ACOT13: variants seen among roughly 807,000 people sequenced by gnomAD.
The protein encoded by ACOT13 is acyl-CoA thioesterase 13.
Under a neutral mutation model 11.8 loss-of-function variants are expected in ACOT13, and 10 were observed. The ratio of observed to expected loss-of-function variants is 0.85; its 90% confidence interval spans 0.53 to 1.44. The LOEUF is 1.44. ACOT13 is among the 40% of genes most tolerant of loss of function. The pLI is 0.00. For missense variants in ACOT13, 172 were observed against 174.1 expected (o/e 0.99, Z 0.07); for synonymous variants, 53 against 61.0 (o/e 0.87, Z 0.61).
intron 1 of ACOT13, among the ~76,000 whole-genome samples, chr6:24,676,462 C>T (rs2127622509): frequency 6.6e-6 from 1 of 152,042 alleles, no homozygotes; most frequent in South Asian, 2.1e-4. Context: ...AGTTGGATTC[C>T]TAGGTATTTT....
At chr6:24,680,021 C>T (rs1481417477) in intron 1 of ACOT13, among the ~76,000 whole-genome samples, 4 of 152,078 alleles carry the variant, frequency 2.6e-5, no homozygotes, top group Admixed American at 2.6e-4. Flanking sequence ...TGTCTATCTT[C>T]TTTGGACCTT....
At position 24,677,264 on chromosome 6, in the gene ACOT13, G is replaced by A. The variant is rs139490627; in HGVS notation, c.81+9920G>A. Among the ~76,000 whole-genome samples, 1,311 of 152,332 alleles carry A rather than the reference G, an allele frequency of 8.6e-3. 26 individuals are homozygous for A. The highest frequency in any genetic ancestry group is 0.03 in the African/African-American group (1,243 of 41,574). On this transcript the variant is annotated intron_variant, in intron 1 of 2. Transcript: ENST00000230048. Reference sequence around the variant, plus strand: ...TTTCTTCATTGTCTGGAAGAAATGTGGCTGTGTTAAGAGTTGCACAAGTGC... The same window carrying A: ...TTTCTTCATTGTCTGGAAGAAATGTAGCTGTGTTAAGAGTTGCACAAGTGC...
At chr6:24,680,890 G>T (rs555890088) in intron 1 of ACOT13, among the ~76,000 whole-genome samples, 1 of 152,192 alleles carries the variant, frequency 6.6e-6, no homozygotes, top group African/African-American at 2.4e-5. Context: ...CGTTTGAGGA[G>T]ACCAATTATT....
In ACOT13 at chr6:24,704,678, G is replaced by A. The variant is rs1778964082; in HGVS notation, c.*3063G>A. 1 of 152,324 alleles carries A rather than the reference G, an allele frequency of 6.6e-6. No individual in the cohort carries two copies. The highest frequency in any genetic ancestry group is 2.1e-4 in the South Asian group (1 of 4,828). 9.4% of individuals were successfully genotyped at this position (152,324 alleles called of 1,614,324 possible). ...CCCTTTCCCATGAAGCAAGGCATAA[G>A]GCCAGGTTGCTAACTGTTGAAAGCT... On this transcript the variant is annotated 3_prime_UTR_variant, in exon 3 of 3. Coordinates refer to ENST00000230048, the MANE Select transcript of ACOT13 (RefSeq NM_018473.4).
intron 1 of ACOT13, among the ~76,000 whole-genome samples, chr6:24,678,755 T>TA (rs894241702): frequency 4.0e-5 from 6 of 151,816 alleles, no homozygotes; most frequent in Non-Finnish European, 5.9e-5. Context: ...GTGAAAAGAG[T>TA]AAAGTTCCCC....
chr6:24,680,071 C>CG (rs933698652), intron 1 of ACOT13, among the ~76,000 whole-genome samples: 9 of 151,940 alleles, frequency 5.9e-5, no homozygotes, highest in Non-Finnish European at 1.0e-4. Flanking sequence ...CAGAAGGAGT[C>CG]GGGGGGATGC....
intron 1 of ACOT13, among the ~76,000 whole-genome samples, chr6:24,689,372 G>A (rs1332708832): frequency 2.6e-5 from 4 of 151,442 alleles, no homozygotes; most frequent in African/African-American, 4.9e-5. Flanking sequence ...TGGAGGCTGC[G>A]CATGGTGGCG....
intron 1 of ACOT13, among the ~76,000 whole-genome samples, chr6:24,689,483 G>A (rs1305737583): frequency 6.6e-6 from 1 of 152,098 alleles, no homozygotes; most frequent in African/African-American, 2.4e-5. Flanking sequence ...AATAAATTGA[G>A]CTAGAGAAAT....
rs1055344005 is a variant in ACOT13 at position 24,702,423 on chromosome 6, T to C, written c.*808T>C. On this transcript the variant is annotated 3_prime_UTR_variant, in exon 3 of 3. Coordinates refer to ENST00000230048, the MANE Select transcript of ACOT13 (RefSeq NM_018473.4). ...AATGTGCCCAGCCTGGGTTCTCTTT[T>C]GTAAGGGCACTTACTCCAATCTTGA... 2.0e-5 allele frequency: 3 copies of C among 152,234 alleles called. No homozygotes were observed. The highest frequency in any genetic ancestry group is 7.2e-5 in the African/African-American group (3 of 41,458). 9.4% of individuals were successfully genotyped at this position (152,234 alleles called of 1,614,324 possible).
intron 1 of ACOT13, among the ~76,000 whole-genome samples, chr6:24,680,416 T>C (rs1429175682): frequency 5.9e-5 from 9 of 152,000 alleles, no homozygotes; most frequent in Non-Finnish European, 1.3e-4. Context: ...GTGGGGAACG[T>C]TTCCGATCTG....
Position 24,698,383 on chromosome 6 carries a change from A to G in ACOT13, c.266+316A>G, listed in dbSNP as rs192064852. Among the ~76,000 whole-genome samples, 103 of 152,332 alleles carry G rather than the reference A, an allele frequency of 6.8e-4. 1 individual carries two copies. Among genetic ancestry groups the G allele is most frequent in the African/African-American group, 2.1e-3 (89 of 41,582 alleles). The stretch of plus-strand genomic sequence containing the variant: ...CTGATGGCTCATAACTGTTTCATAC[A>G]GTCCTTAAAAGTGCCATTCAGGGCC... On this transcript the variant is annotated intron_variant, in intron 2 of 2. Transcript: ENST00000230048.
chr6:24,688,896 T>C (rs1329008824), intron 1 of ACOT13, among the ~76,000 whole-genome samples: 3 of 152,132 alleles, frequency 2.0e-5, no homozygotes, highest in African/African-American at 4.8e-5. Context: ...TAAAAAGAAC[T>C]GTAGAGACAG....
chr6:24,698,897 A>G (rs1476793253), intron 2 of ACOT13, among the ~76,000 whole-genome samples: 1 of 152,042 alleles, frequency 6.6e-6, no homozygotes, highest in Non-Finnish European at 1.5e-5. Flanking sequence ...TCAGCCTCCC[A>G]AAGTGTTGAG....
chr6:24,683,090 C>T (rs1390366730), intron 1 of ACOT13, among the ~76,000 whole-genome samples: 1 of 152,180 alleles, frequency 6.6e-6, no homozygotes, highest in African/African-American at 2.4e-5. Context: ...TCCAGCTAGT[C>T]CTGTCTGTCA....
intron 1 of ACOT13, among the ~76,000 whole-genome samples, chr6:24,694,228 G>C (rs1390513731): frequency 6.6e-6 from 1 of 152,086 alleles, no homozygotes; most frequent in Non-Finnish European, 1.5e-5. Flanking sequence ...AACACATCTG[G>C]ACAGTTCTCT....
chr6:24,696,949 T>C (rs1778804205), intron 1 of ACOT13, among the ~76,000 whole-genome samples: 1 of 152,168 alleles, frequency 6.6e-6, no homozygotes, highest in Admixed American at 6.5e-5. Flanking sequence ...CTAATTTTTG[T>C]ATTTTTAGTA....
rs999524164 is a variant in ACOT13 at position 24,667,292 on chromosome 6, A to G, written c.29A>G (p.Glu10Gly). The change falls in exon 1 of 3, where the codon GAG becomes GGG. Residue 10 changes from glutamate to glycine, a missense_variant. Physicochemically the swap from Glu to Gly is moderately conservative, Grantham distance 98. Transcript: ENST00000230048. Reference protein sequence around the residue: MTSMTQSLREVIKAMTKARN... With the variant: MTSMTQSLRGVIKAMTKARN... ...ACCAGCATGACTCAGTCTCTGCGGG[A>G]GGTGATAAAGGCCATGACCAAGGCT... 1.9e-6 allele frequency: 3 copies of G among 1,614,026 alleles called. No homozygotes were observed. The highest frequency in any genetic ancestry group is 8.5e-7 in the Non-Finnish European group (1 of 1,180,022).
intron 1 of ACOT13, among the ~76,000 whole-genome samples, chr6:24,669,999 G>T (rs982934611): frequency 5.3e-5 from 8 of 152,192 alleles, no homozygotes; most frequent in Middle Eastern, 3.4e-3. Flanking sequence ...TTGGAGACTT[G>T]TAGCCAGGAA....
Position 24,690,083 on chromosome 6 carries a change from T to C in ACOT13, c.82-7800T>C, listed in dbSNP as rs544453058. 1.4e-4 allele frequency among the ~76,000 whole-genome samples: 22 copies of C among 152,340 alleles called. No individual in the cohort carries two copies. The South Asian group carries it at 1.5e-3, about 10-fold the overall frequency. On this transcript the variant is annotated intron_variant, in intron 1 of 2. Coordinates refer to ENST00000230048, the MANE Select transcript of ACOT13 (RefSeq NM_018473.4). The stretch of plus-strand genomic sequence containing the variant: ...GGCCATCCTAGGAGTTCCAGGACTT[T>C]GTAGCATACAAAGTGAACAGAGATG...
Sources: gnomAD v4.1 joint callset for allele counts (sites outside exome capture counted in the v4.1 genomes callset) on GRCh38, gnomAD v4.1.1 for gene constraint, MANE v1.5 for transcripts, NCBI Gene and HGNC (gene_info 2026-07-23, HGNC 2026-07-21) for gene names.